Variants in AFF2 observed in about 807,000 individuals in gnomAD.
AFF2 encodes the protein ALF transcription elongation factor 2, also known as AF4/FMR2 family member 2.
A neutral mutation model predicts 76.9 loss-of-function variants in AFF2; 14 were observed. The ratio of observed to expected loss-of-function variants is 0.18; its 90% CI spans 0.12 to 0.28. The LOEUF is 0.28. AFF2 is among the 10% of genes least tolerant of loss of function. The probability of loss-of-function intolerance (pLI) is 1.00; values close to 1 mark genes in which losing one functional copy is unlikely to be tolerated. For missense variants in AFF2, 868 were observed against 1,001.1 expected (o/e 0.87, Z 1.79); for synonymous variants, 398 against 366.7 (o/e 1.09, Z -0.98).
chrX:148,855,010 T>C (rs1470213105), intron 7 of AFF2, among the ~76,000 whole-genome samples: 1 of 111,850 alleles, frequency 8.9e-6, no homozygotes, highest in Non-Finnish European at 1.9e-5. Context: ...CCAAAAGTGA[T>C]GTTCTCACTC....
chrX:148,656,721 C>T (rs1188822853), intron 2 of AFF2, among the ~76,000 whole-genome samples: 6 of 108,772 alleles, frequency 5.5e-5, no homozygotes, highest in Admixed American at 9.7e-5. Context: ...GGGATGGTCT[C>T]GATCTCCTGA....
intron 3 of AFF2, among the ~76,000 whole-genome samples, chrX:148,737,163 G>C (rs782566424): frequency 1.8e-5 from 2 of 111,170 alleles, no homozygotes; most frequent in Admixed American, 9.6e-5. Flanking sequence ...CATGATGGTG[G>C]TATTTTAATG....
At chrX:148,980,217 G>A (rs2072375132) in intron 18 of AFF2, among the ~76,000 whole-genome samples, 1 of 112,057 alleles carries the variant, frequency 8.9e-6, no homozygotes, top group African/African-American at 3.2e-5. Flanking sequence ...TTGTTAAATA[G>A]GGAAGCTCTT....
At chrX:148,608,213 G>A (rs1172067254) in intron 1 of AFF2, among the ~76,000 whole-genome samples, 1 of 111,657 alleles carries the variant, frequency 9.0e-6, no homozygotes, top group African/African-American at 3.3e-5. Flanking sequence ...TACAGCACTG[G>A]TTTTGACATA....
chrX:148,846,768 G>C (rs1365625359), intron 7 of AFF2, among the ~76,000 whole-genome samples: 4 of 111,958 alleles, frequency 3.6e-5, no homozygotes, highest in African/African-American at 1.3e-4. Context: ...TCTCAGGGCT[G>C]TGGAGTTGTA....
At chrX:148,826,828 A>G (rs1402605873) in intron 4 of AFF2, among the ~76,000 whole-genome samples, 2 of 111,553 alleles carry the variant, frequency 1.8e-5, no homozygotes, top group East Asian at 2.8e-4. Context: ...GGGGCTTGGA[A>G]TACTTGGAGG....
chrX:148,520,093 A>T (rs1453227700), intron 1 of AFF2, among the ~76,000 whole-genome samples: 1 of 111,721 alleles, frequency 9.0e-6, no homozygotes, highest in Non-Finnish European at 1.9e-5. Context: ...GGACACACCC[A>T]GCTGTATTCT....
At chrX:148,962,687 GA>G (rs782678579) in intron 12 of AFF2, 27 bp from the exon 13 acceptor site, 11 of 1,139,764 alleles carry the variant, frequency 9.7e-6, no homozygotes, top group African/African-American at 1.8e-5. Context: ...AAGACTTTAT[GA>G]CACCCTACAC....
intron 9 of AFF2, among the ~76,000 whole-genome samples, chrX:148,946,621 T>C (rs1165102295): frequency 3.5e-5 from 4 of 112,798 alleles, no homozygotes; most frequent in African/African-American, 1.3e-4. Context: ...CCTACTCAAG[T>C]AAGTTATTAG....
chrX:148,763,216 A>G (rs2069472717), intron 3 of AFF2, among the ~76,000 whole-genome samples: 1 of 112,349 alleles, frequency 8.9e-6, no homozygotes, highest in African/African-American at 3.2e-5. Context: ...TTGAGCACTG[A>G]TAAAGTATTT....
rs1254750204 is a variant in AFF2 at position 148,680,340 on chromosome X, T to C, written c.1041+17572T>C. Among the ~76,000 whole-genome samples, 3 of 112,010 alleles carry C rather than the reference T, an allele frequency of 2.7e-5. 1 individual carries two copies. The highest frequency in any genetic ancestry group is 9.7e-5 in the African/African-American group (3 of 30,819). On this transcript the variant is annotated intron_variant, in intron 3 of 20. Coordinates refer to ENST00000370460, the MANE Select transcript of AFF2 (RefSeq NM_002025.4). ...ATTAGACAATAATAATAAGAAAATGTGTATGCAGTTGTGTGATAACAAGTT... is the reference window on the plus strand; with the variant it reads ...ATTAGACAATAATAATAAGAAAATGCGTATGCAGTTGTGTGATAACAAGTT...
chrX:148,895,662 C>G (rs1430281662), intron 8 of AFF2, among the ~76,000 whole-genome samples: 1 of 109,502 alleles, frequency 9.1e-6, no homozygotes, highest in Non-Finnish European at 1.9e-5. Context: ...AATAGAAATT[C>G]TGTGCATTAC....
chrX:148,670,570 C>A (rs782821113), intron 3 of AFF2, among the ~76,000 whole-genome samples: 1 of 111,829 alleles, frequency 8.9e-6, no homozygotes, highest in South Asian at 3.8e-4. Flanking sequence ...CAGACTGTCA[C>A]TTATCTTGAA....
chrX:148,835,243 T>G (rs2070506861), intron 4 of AFF2, among the ~76,000 whole-genome samples: 1 of 111,516 alleles, frequency 9.0e-6, no homozygotes, highest in African/African-American at 3.3e-5. Context: ...AAGCCTCTAA[T>G]CAATTTAGGC....
chrX:148,872,742 T>C (rs1463199807), intron 7 of AFF2, among the ~76,000 whole-genome samples: 2 of 111,743 alleles, frequency 1.8e-5, no homozygotes, highest in East Asian at 2.8e-4. Context: ...GCCAGTATGG[T>C]TGGGTTCTCG....
In AFF2 at chrX:148,843,523, C is replaced by T. The variant is rs1408068130; in HGVS notation, c.1262+90C>T. On this transcript the variant is annotated intron_variant, in intron 7 of 20. Coordinates refer to ENST00000370460, the MANE Select transcript of AFF2 (RefSeq NM_002025.4). ...TGCTGATCTAATCTTGTTCTCTCCT[C>T]TGCTCCTTGAAACTATGAACCTTGA... is the stretch of plus-strand genomic sequence containing the variant. The T allele has an allele frequency of 3.8e-6, 3 of 781,389 alleles. No individual in the cohort carries two copies. The East Asian group carries it at 9.7e-5, about 25-fold the overall frequency. 64.4% of individuals were successfully genotyped at this position (781,389 alleles called of 1,213,427 possible). A position where few individuals can be genotyped will look rare whatever the true frequency, so the allele number is the denominator to read the frequency against.
chrX:148,533,544 G>A (rs1383397886), intron 1 of AFF2, among the ~76,000 whole-genome samples: 3 of 111,337 alleles, frequency 2.7e-5, no homozygotes, highest in Non-Finnish European at 5.7e-5. Flanking sequence ...CGCCTGCATC[G>A]GCCTCCCAAA....
chrX:148,951,259 T>C (rs1323067589), intron 9 of AFF2, among the ~76,000 whole-genome samples: 2 of 111,461 alleles, frequency 1.8e-5, no homozygotes, highest in African/African-American at 6.5e-5. Flanking sequence ...TTGATTTTGG[T>C]AAATAAATCA....
intron 1 of AFF2, among the ~76,000 whole-genome samples, chrX:148,603,335 G>T (rs1175661427): frequency 9.0e-6 from 1 of 111,359 alleles, no homozygotes; most frequent in African/African-American, 3.3e-5. Flanking sequence ...TTCAAAAAGG[G>T]TTGGTATGTG....
Sources: gnomAD v4.1 joint callset for allele counts (sites outside exome capture counted in the v4.1 genomes callset) on GRCh38, gnomAD v4.1.1 for gene constraint, MANE v1.5 for transcripts, NCBI Gene and HGNC (gene_info 2026-07-23, HGNC 2026-07-21) for gene names.